The following ACKR2 variants were observed in gnomAD, a reference collection of about 807,000 sequenced individuals.
The protein encoded by ACKR2 is C-C chemokine receptor D6.
For synonymous variants in ACKR2, 207 were observed against 192.2 expected, an observed-to-expected ratio of 1.08 and a Z score of -0.64; for missense variants, 457 against 477.3, an observed-to-expected ratio of 0.96 and a Z score of 0.40.
intron 2 of ACKR2, among the ~76,000 whole-genome samples, chr3:42,822,894 A>G (rs1238818114): frequency 6.6e-6 from 1 of 151,938 alleles, no homozygotes; most frequent in Non-Finnish European, 1.5e-5. Flanking sequence ...CCCAGTCATG[A>G]AAGCTAGGAT....
intron 2 of ACKR2, among the ~76,000 whole-genome samples, chr3:42,846,974 G>A (rs1241698551): frequency 6.6e-6 from 1 of 152,190 alleles, no homozygotes; most frequent in East Asian, 1.9e-4. Context: ...GAGCACCGGA[G>A]TAGGAGTCAG....
intron 2 of ACKR2, among the ~76,000 whole-genome samples, chr3:42,824,655 T>C (rs1159418302): frequency 6.6e-6 from 1 of 152,218 alleles, no homozygotes; most frequent in Non-Finnish European, 1.5e-5. Flanking sequence ...ATCCATGTCA[T>C]AGCATGTATC....
In ACKR2 at chr3:42,852,045, T is replaced by C. The variant is rs1030590491; in HGVS notation, c.-37-12421T>C. Among the ~76,000 whole-genome samples, 4 of 152,298 alleles carry C rather than the reference T, an allele frequency of 2.6e-5. No individual in the cohort carries two copies. Among genetic ancestry groups the C allele is most frequent in the East Asian group, 1.9e-4 (1 of 5,182 alleles). ...ATTTTAGGGGCTGGAAGAGAACCAA[T>C]AGTATATGCCAGGCCCTTAGTTTAC... is the stretch of plus-strand genomic sequence containing the variant. On this transcript the variant is annotated intron_variant, in intron 2 of 2. Coordinates refer to ENST00000422265, the MANE Select transcript of ACKR2 (RefSeq NM_001296.5). The surrounding 1 kb of genome is among the most constrained non-coding windows in gnomAD (Gnocchi z 4.3).
chr3:42,851,748 GC>G (rs1451254663), intron 2 of ACKR2, among the ~76,000 whole-genome samples: 1 of 152,164 alleles, frequency 6.6e-6, no homozygotes, highest in Non-Finnish European at 1.5e-5. Flanking sequence ...GGGAGCTCAG[GC>G]ATTCCTTTCC....
intron 2 of ACKR2, chr3:42,856,523 CA>C (rs1403822806): frequency 3.1e-6 from 2 of 642,564 alleles, no homozygotes; most frequent in Non-Finnish European, 5.6e-6. Context: ...AAAATGTTTG[CA>C]ATACATATGA....
At chr3:42,860,189 A>AAAAACAC (rs376833790) in intron 2 of ACKR2, among the ~76,000 whole-genome samples, 1 of 111,520 alleles carries the variant, frequency 9.0e-6, no homozygotes, top group Admixed American at 1.3e-4. Flanking sequence ...AAAAAAAAAA[A>AAAAACAC]GCAGGGGATG....
At chr3:42,815,986 A>G (rs1034629987) in intron 1 of ACKR2, among the ~76,000 whole-genome samples, 3 of 152,188 alleles carry the variant, frequency 2.0e-5, no homozygotes, top group African/African-American at 7.2e-5. Flanking sequence ...TTAATTAATC[A>G]TCTTGTACCT....
intron 2 of ACKR2, among the ~76,000 whole-genome samples, chr3:42,842,621 C>T (rs1701050197): frequency 6.6e-6 from 1 of 152,194 alleles, no homozygotes; most frequent in African/African-American, 2.4e-5. Flanking sequence ...ATTCTGTCCA[C>T]ACCCAATTCA....
At chr3:42,817,031 G>A (rs116062908) in intron 1 of ACKR2, among the ~76,000 whole-genome samples, 1 of 152,220 alleles carries the variant, frequency 6.6e-6, no homozygotes, top group African/African-American at 2.4e-5. Flanking sequence ...TGGACATTAT[G>A]ACCTTGAACA....
At chr3:42,835,778 G>T (rs1371509101) in intron 2 of ACKR2, 1 of 152,146 alleles carries the variant, frequency 6.6e-6, no homozygotes, top group South Asian at 2.1e-4. Flanking sequence ...CTTTGCCTTT[G>T]GTGTGCTGCA....
At position 42,822,524 on chromosome 3, in the gene ACKR2, A is replaced by G. The variant is rs549418469; in HGVS notation, c.-38+2813A>G. ...TAGCCTCAACTTCCCAGGGCCCACT[A>G]ACTCAGAGAGGGAAGAATACAACAG... On this transcript the variant is annotated intron_variant, in intron 2 of 2. Transcript: ENST00000422265. Among the ~76,000 whole-genome samples the G allele has an allele frequency of 9.2e-5, 14 of 152,246 alleles. No homozygotes were observed. The East Asian group carries it at 2.5e-3, about 27-fold the overall frequency.
intron 2 of ACKR2, among the ~76,000 whole-genome samples, chr3:42,825,164 T>C (rs909566399): frequency 1.3e-5 from 2 of 152,188 alleles, no homozygotes; most frequent in Non-Finnish European, 2.9e-5. Flanking sequence ...TTTGTCCTTT[T>C]TCAAAGTTGT....
intron 2 of ACKR2, among the ~76,000 whole-genome samples, chr3:42,861,766 C>T (rs1054108844): frequency 6.6e-6 from 1 of 152,292 alleles, no homozygotes; most frequent in African/African-American, 2.4e-5. Flanking sequence ...ACAAAAACCA[C>T]ATTATTTTCT....
intron 2 of ACKR2, 83 bp from the exon 3 acceptor site, chr3:42,864,383 T>C (rs2088412248): frequency 2.4e-6 from 3 of 1,267,918 alleles, no homozygotes; most frequent in Non-Finnish European, 3.2e-6. Context: ...TTGAAGAGTC[T>C]ATTGGACATC....
chr3:42,811,648 G>A (rs991022163), intron 1 of ACKR2, among the ~76,000 whole-genome samples: 2 of 152,038 alleles, frequency 1.3e-5, no homozygotes, highest in Non-Finnish European at 2.9e-5. Flanking sequence ...AAAGAGGAAG[G>A]TCTCTTGCGG....
At chr3:42,862,995 A>G (rs1350357662) in intron 2 of ACKR2, among the ~76,000 whole-genome samples, 2 of 152,236 alleles carry the variant, frequency 1.3e-5, no homozygotes, top group African/African-American at 2.4e-5. Context: ...AACAAAAGCC[A>G]AAATTGACAA....
chr3:42,815,353 C>T (rs1196889097), intron 1 of ACKR2, among the ~76,000 whole-genome samples: 1 of 152,150 alleles, frequency 6.6e-6, no homozygotes, highest in Non-Finnish European at 1.5e-5. Flanking sequence ...CAAGGACTGC[C>T]ACTTTGAGGC....
At chr3:42,829,565 C>T (rs1700907481) in intron 2 of ACKR2, among the ~76,000 whole-genome samples, 1 of 152,132 alleles carries the variant, frequency 6.6e-6, no homozygotes, top group Non-Finnish European at 1.5e-5. Context: ...CATATTCTAG[C>T]TCCCTCGGGT....
intron 1 of ACKR2, among the ~76,000 whole-genome samples, chr3:42,810,176 A>T (rs1183234042): frequency 1.3e-5 from 2 of 152,248 alleles, no homozygotes; most frequent in East Asian, 3.8e-4. Flanking sequence ...ATTGGAATTA[A>T]TTGCAGAATA....
Sources: allele counts gnomAD v4.1 joint callset (sites outside exome capture counted in the v4.1 genomes callset), GRCh38; gene constraint gnomAD v4.1.1; non-coding constraint Gnocchi (gnomAD v3.1); transcripts MANE v1.5; gene names NCBI Gene and HGNC (gene_info 2026-07-23, HGNC 2026-07-21).